Variants in CSNK1G1 observed in about 807,000 individuals in gnomAD.
CSNK1G1 encodes casein kinase 1 gamma 1.
In CSNK1G1, 22 loss-of-function variants were observed where a neutral mutation model predicts 59.6. The ratio of observed to expected loss-of-function variants is 0.37; its 90% CI spans 0.26 to 0.53. The LOEUF (loss-of-function observed/expected upper bound fraction) is 0.53, where lower values mean the gene tolerates loss of function less well. CSNK1G1 is among the 20% of genes least tolerant of loss of function. The pLI, the probability that CSNK1G1 is intolerant of heterozygous loss-of-function variation, is 0.89. For missense variants in CSNK1G1, 384 were observed against 519.5 expected, an observed-to-expected ratio of 0.74 and a Z score of 2.54; for synonymous variants, 179 against 177.1, an observed-to-expected ratio of 1.01 and a Z score of -0.08.
intron 6 of CSNK1G1, 26 bp from the exon 7 acceptor site, chr15:64,207,620 T>C (rs762757454): frequency 6.4e-7 from 1 of 1,565,338 alleles, no homozygotes; most frequent in Non-Finnish European, 8.8e-7. Flanking sequence ...GATCACACAT[T>C]ATGTTTGCAG....
chr15:64,292,399 G>A (rs970003345), intron 2 of CSNK1G1, among the ~76,000 whole-genome samples: 10 of 152,242 alleles, frequency 6.6e-5, no homozygotes, highest in Non-Finnish European at 1.3e-4. Flanking sequence ...ATTTACCTTT[G>A]TCAGAAGTAT....
chr15:64,279,052 A>G (rs1482694954), intron 2 of CSNK1G1, among the ~76,000 whole-genome samples: 1 of 152,224 alleles, frequency 6.6e-6, no homozygotes, highest in Non-Finnish European at 1.5e-5. Context: ...TTAACATCAA[A>G]AAACAAATTT....
At chr15:64,242,672 T>C (rs1891536181) in intron 4 of CSNK1G1, among the ~76,000 whole-genome samples, 1 of 152,174 alleles carries the variant, frequency 6.6e-6, no homozygotes, top group African/African-American at 2.4e-5. Flanking sequence ...CAATAACTAA[T>C]ATAAATTCTT....
intron 4 of CSNK1G1, among the ~76,000 whole-genome samples, chr15:64,233,319 C>G (rs2082572554): frequency 6.6e-6 from 1 of 152,058 alleles, no homozygotes; most frequent in African/African-American, 2.4e-5. Flanking sequence ...AAATGTTTTT[C>G]TTTTGCAGGA....
chr15:64,316,644 A>C (rs2140431487), intron 1 of CSNK1G1, among the ~76,000 whole-genome samples: 1 of 152,252 alleles, frequency 6.6e-6, no homozygotes, highest in Admixed American at 6.5e-5. Context: ...CTGCCTCCAA[A>C]GAAAAAAGAA....
chr15:64,299,497 C>T (rs1193316426), intron 2 of CSNK1G1, among the ~76,000 whole-genome samples: 5 of 151,568 alleles, frequency 3.3e-5, no homozygotes, highest in Non-Finnish European at 7.4e-5. Context: ...GAGGTTGAGG[C>T]AGGAGAATGG....
chr15:64,184,196 G>A (rs1473149980), intron 10 of CSNK1G1, among the ~76,000 whole-genome samples: 6 of 151,928 alleles, frequency 3.9e-5, no homozygotes, highest in Non-Finnish European at 8.8e-5. Context: ...CCAGCTACTC[G>A]GGAGGCTGAG....
intron 2 of CSNK1G1, among the ~76,000 whole-genome samples, chr15:64,279,021 G>T (rs1282126115): frequency 6.6e-6 from 1 of 152,210 alleles, no homozygotes; most frequent in African/African-American, 2.4e-5. Context: ...TAAGTGGTAT[G>T]AAGATCACTG....
intron 1 of CSNK1G1, among the ~76,000 whole-genome samples, chr15:64,334,356 A>G (rs746734412): frequency 1.3e-5 from 2 of 152,094 alleles, no homozygotes; most frequent in Non-Finnish European, 2.9e-5. Context: ...CCTTTTTGGC[A>G]CAAGGACCAG....
At chr15:64,245,767 C>T (rs541884250) in intron 4 of CSNK1G1, among the ~76,000 whole-genome samples, 2 of 150,914 alleles carry the variant, frequency 1.3e-5, no homozygotes, top group African/African-American at 2.4e-5. Flanking sequence ...AAAAAAGACA[C>T]ACACACAAAA....
In CSNK1G1 at chr15:64,166,037, C is replaced by A. The variant is rs1001865565; in HGVS notation, c.*5894G>T. ...AATACTACAAATTTCATTTTCACAGCTGAGCTTTGTGACCAGTGCCAGGGT... is the reference window on the plus strand; with the variant it reads ...AATACTACAAATTTCATTTTCACAGATGAGCTTTGTGACCAGTGCCAGGGT... On this transcript the variant is annotated 3_prime_UTR_variant, in exon 12 of 12. Coordinates refer to ENST00000303052, the MANE Select transcript of CSNK1G1 (RefSeq NM_022048.5). The surrounding 1 kb of genome is among the most constrained non-coding windows in gnomAD (Gnocchi z 4.5). 1.5e-6 allele frequency: 1 copy of A among 678,850 alleles called. No individual in the cohort carries two copies. Among genetic ancestry groups the A allele is most frequent in the Admixed American group, 2.2e-5 (1 of 45,408 alleles). The allele number at this position is 678,850 out of a possible 1,614,324, so 42.1% of individuals were successfully genotyped here.
In CSNK1G1 at chr15:64,180,379, G is replaced by T. The variant is rs1390087743; in HGVS notation, c.1183C>A (p.His395Asn). The change falls in exon 11 of 12, where the codon CAT becomes AAT. Residue 395 changes from histidine (H) to asparagine (N), a missense_variant. This residue lies in a region of CSNK1G1 where 325 missense variants were observed against 440.9 expected (regional missense o/e 0.74). Transcript: ENST00000303052. ...TCCTCCACTACCTCCACCTCGGCAT[G>T]AGCTGTGATTGGTGCATTGGAGTGG... Reference protein sequence around the residue: ...GAHSNAPITAHAEVEVVEEAK... With the variant: ...GAHSNAPITANAEVEVVEEAK... 1 of 1,614,144 alleles carries T rather than the reference G, an allele frequency of 6.2e-7. No homozygotes were observed. The highest frequency in any genetic ancestry group is 1.1e-5 in the South Asian group (1 of 91,084).
At chr15:64,322,749 C>T (rs564310817) in intron 1 of CSNK1G1, among the ~76,000 whole-genome samples, 2 of 152,210 alleles carry the variant, frequency 1.3e-5, no homozygotes, top group East Asian at 1.9e-4. Flanking sequence ...GGGATGATCA[C>T]TTAAGTCCAG....
intron 2 of CSNK1G1, among the ~76,000 whole-genome samples, chr15:64,294,907 C>T (rs1566936962): frequency 3.9e-5 from 4 of 103,214 alleles, no homozygotes; most frequent in Non-Finnish European, 7.3e-5. Context: ...AGTGAAACTT[C>T]GTCTCAAAAA....
At chr15:64,266,260 C>A (rs981271858) in intron 2 of CSNK1G1, among the ~76,000 whole-genome samples, 1 of 152,040 alleles carries the variant, frequency 6.6e-6, no homozygotes, top group Admixed American at 6.6e-5. Context: ...CAGGGTTTCA[C>A]CATATTGGCC....
chr15:64,242,793 TA>T (rs1891541553), intron 4 of CSNK1G1, among the ~76,000 whole-genome samples: 1 of 152,128 alleles, frequency 6.6e-6, no homozygotes, highest in Non-Finnish European at 1.5e-5. Flanking sequence ...GAAAACTACA[TA>T]GCAATATTCC....
chr15:64,234,699 G>A (rs1310299042), intron 4 of CSNK1G1, among the ~76,000 whole-genome samples: 1 of 152,126 alleles, frequency 6.6e-6, no homozygotes, highest in East Asian at 1.9e-4. Context: ...AGAAAAGCAT[G>A]GTCTGTAAGC....
chr15:64,174,599 T>C (rs538446358), intron 11 of CSNK1G1, among the ~76,000 whole-genome samples: 1 of 152,308 alleles, frequency 6.6e-6, no homozygotes, highest in South Asian at 2.1e-4. Flanking sequence ...AGTTGATTCT[T>C]TGACTGTTTA....
intron 2 of CSNK1G1, among the ~76,000 whole-genome samples, chr15:64,269,613 C>A (rs1893172570): frequency 6.6e-6 from 1 of 151,530 alleles, no homozygotes; most frequent in African/African-American, 2.4e-5. Flanking sequence ...CCTGCCTCAG[C>A]CTCCCGAGTA....
Sources: allele counts gnomAD v4.1 joint callset (sites outside exome capture counted in the v4.1 genomes callset), GRCh38; gene constraint gnomAD v4.1.1; regional missense constraint gnomAD v4.1.1; non-coding constraint Gnocchi (gnomAD v3.1); transcripts MANE v1.5; gene names NCBI Gene and HGNC (gene_info 2026-07-23, HGNC 2026-07-21).